Variants in ANOS1 observed in about 807,000 individuals in gnomAD.
ANOS1 encodes anosmin 1, also known as anosmin-1.
A neutral mutation model predicts 59.0 loss-of-function variants in ANOS1; 6 were observed. That is an observed-to-expected ratio of 0.10 (90% CI 0.06 to 0.20). ANOS1 has a LOEUF of 0.20. Among genes scored for constraint, ANOS1 ranks in the 10% least tolerant of loss-of-function variants. The pLI is 1.00. For synonymous variants in ANOS1, 217 were observed against 223.4 expected, an observed-to-expected ratio of 0.97 and a Z score of 0.25; for missense variants, 433 against 542.3, an observed-to-expected ratio of 0.80 and a Z score of 2.00.
chrX:8,597,659 T>A (rs1475507404), intron 3 of ANOS1, among the ~76,000 whole-genome samples: 6 of 2,868 alleles, frequency 2.1e-3, no homozygotes, highest in African/African-American at 5.9e-3. Flanking sequence ...TCTTTCTCCC[T>A]TTTTTTTTTT....
At chrX:8,700,858 A>C (rs1932751276) in intron 1 of ANOS1, among the ~76,000 whole-genome samples, 1 of 110,655 alleles carries the variant, frequency 9.0e-6, no homozygotes, top group Admixed American at 9.6e-5. Context: ...AAAAATATAA[A>C]ATTAGCTGGG....
chrX:8,699,018 G>T (rs1932724374), intron 2 of ANOS1, among the ~76,000 whole-genome samples: 1 of 111,105 alleles, frequency 9.0e-6, no homozygotes, highest in South Asian at 3.7e-4. Context: ...CCAAAGTTTT[G>T]CTCCAATGTT....
intron 1 of ANOS1, among the ~76,000 whole-genome samples, chrX:8,714,131 G>C (rs186218043): frequency 1.1e-3 from 122 of 112,122 alleles, no homozygotes; most frequent in African/African-American, 3.9e-3. Flanking sequence ...GGCCTCTGCT[G>C]TCTTGGCCTC....
chrX:8,548,925 A>G (rs1289155041), intron 9 of ANOS1, among the ~76,000 whole-genome samples: 1 of 112,080 alleles, frequency 8.9e-6, no homozygotes, highest in Non-Finnish European at 1.9e-5. Context: ...AGGCATTTCC[A>G]TTAGTGAAAC....
chrX:8,646,267 C>T (rs772587107), intron 2 of ANOS1, among the ~76,000 whole-genome samples: 5 of 110,195 alleles, frequency 4.5e-5, no homozygotes, highest in Non-Finnish European at 9.5e-5. Flanking sequence ...AGCCTTGACC[C>T]GCCAGGCTCA....
At chrX:8,677,685 T>A (rs1932357942) in intron 2 of ANOS1, among the ~76,000 whole-genome samples, 1 of 111,931 alleles carries the variant, frequency 8.9e-6, no homozygotes, top group African/African-American at 3.2e-5. Flanking sequence ...AAAGTTTAGA[T>A]TACATACATA....
intron 2 of ANOS1, among the ~76,000 whole-genome samples, chrX:8,675,150 T>C (rs747524029): frequency 2.2e-4 from 25 of 111,241 alleles, no homozygotes; most frequent in African/African-American, 7.5e-4. Context: ...AGAAATGAAC[T>C]TTGCAAAATC....
At chrX:8,663,591 C>T in intron 2 of ANOS1, among the ~76,000 whole-genome samples, 1 of 111,652 alleles carries the variant, frequency 9.0e-6, no homozygotes, top group Non-Finnish European at 1.9e-5. Flanking sequence ...CCAATAGATC[C>T]AACTGGAGCC....
At chrX:8,567,591 C>T (rs1930139056) in intron 8 of ANOS1, among the ~76,000 whole-genome samples, 1 of 111,539 alleles carries the variant, frequency 9.0e-6, no homozygotes. Flanking sequence ...GTCAGGAGCT[C>T]GAGGCCAGCC....
chrX:8,585,476 C>T, intron 5 of ANOS1, 80 bp from the exon 6 acceptor site: 1 of 1,085,821 alleles, frequency 9.2e-7, no homozygotes, highest in Non-Finnish European at 1.3e-6. Flanking sequence ...TAGAAAAATA[C>T]ACTAACCCAT....
intron 9 of ANOS1, among the ~76,000 whole-genome samples, chrX:8,551,473 A>G (rs747804629): frequency 8.6e-4 from 95 of 110,462 alleles, no homozygotes; most frequent in African/African-American, 3.1e-3. Context: ...CCCTGTCTCT[A>G]CTGAAAATAC....
At chrX:8,729,250 A>G (rs1260532143) in intron 1 of ANOS1, among the ~76,000 whole-genome samples, 1 of 110,295 alleles carries the variant, frequency 9.1e-6, no homozygotes, top group Non-Finnish European at 1.9e-5. Context: ...GGAAACAGGC[A>G]CCTGCTCCAG....
chrX:8,728,733 G>A (rs1306478517), intron 1 of ANOS1, among the ~76,000 whole-genome samples: 1 of 112,415 alleles, frequency 8.9e-6, no homozygotes, highest in Admixed American at 9.4e-5. Context: ...ATGAAGGGCA[G>A]CATTCAGTAG....
chrX:8,648,529 G>A (rs2146862408), intron 2 of ANOS1, among the ~76,000 whole-genome samples: 1 of 109,181 alleles, frequency 9.2e-6, no homozygotes, highest in East Asian at 2.8e-4. Context: ...TTAACTGGAT[G>A]AAGTAAATGC....
At chrX:8,622,234 G>C (rs950398023) in intron 3 of ANOS1, among the ~76,000 whole-genome samples, 1 of 111,702 alleles carries the variant, frequency 9.0e-6, no homozygotes, top group South Asian at 3.8e-4. Context: ...CCATTCGTCT[G>C]AGGAGCCTCA....
chrX:8,685,878 C>G (rs1479590826), intron 2 of ANOS1, among the ~76,000 whole-genome samples: 1 of 111,644 alleles, frequency 9.0e-6, no homozygotes, highest in Non-Finnish European at 1.9e-5. Context: ...GTTTTAAAGA[C>G]GATTCTTTGA....
intron 3 of ANOS1, among the ~76,000 whole-genome samples, chrX:8,597,676 T>C (rs1930767533): frequency 1.1e-5 from 1 of 88,443 alleles, no homozygotes; most frequent in South Asian, 6.3e-4. Flanking sequence ...TTTTTTTTTT[T>C]TTTTTTTTTT....
intron 3 of ANOS1, among the ~76,000 whole-genome samples, chrX:8,602,108 C>T (rs1006881590): frequency 8.9e-6 from 1 of 112,214 alleles, no homozygotes; most frequent in African/African-American, 3.2e-5. Context: ...CTATTAAAGG[C>T]AGATTTATCA....
chrX:8,577,437 T>C (rs749637377), intron 6 of ANOS1, among the ~76,000 whole-genome samples: 160 of 111,482 alleles, frequency 1.4e-3, no homozygotes, highest in African/African-American at 4.7e-3. Context: ...AACTCCCTCC[T>C]TATGATCTTC....
Sources: allele counts gnomAD v4.1 joint callset (sites outside exome capture counted in the v4.1 genomes callset), GRCh38; gene constraint gnomAD v4.1.1; transcripts MANE v1.5; gene names NCBI Gene and HGNC (gene_info 2026-07-23, HGNC 2026-07-21).